Variants in MEF2D observed in about 807,000 individuals in gnomAD.
MEF2D encodes myocyte enhancer factor 2D.
In MEF2D, 10 loss-of-function variants were observed where a neutral mutation model predicts 59.3. The observed-to-expected ratio is 0.17, with a 90% CI of 0.10 to 0.29. MEF2D has a LOEUF of 0.29. MEF2D is among the 10% of genes least tolerant of loss of function. The pLI, the probability that MEF2D is intolerant of heterozygous loss-of-function variation, is 1.00. For synonymous variants in MEF2D, 305 were observed against 295.0 expected (o/e 1.03, Z -0.35); for missense variants, 508 against 699.4 (o/e 0.73, Z 3.09).
chr1:156,485,976 A>G (rs1298500468), intron 1 of MEF2D, among the ~76,000 whole-genome samples: 2 of 151,828 alleles, frequency 1.3e-5, no homozygotes, highest in South Asian at 4.2e-4. Context: ...CGGCCTCCCA[A>G]GTAGCTGGGA....
rs543205884 is a variant in MEF2D, at chr1:156,493,576, G to A, written c.-139+6910C>T. On this transcript the variant is annotated intron_variant, in intron 1 of 11. Coordinates refer to ENST00000348159, the MANE Select transcript of MEF2D (RefSeq NM_005920.4). Reference sequence around the variant, plus strand: ...GATGGAGGGGGGCCCAGAAGGAAGGGGGTGGGGAGAGCAGTACCTGCACAA... The same window carrying A: ...GATGGAGGGGGGCCCAGAAGGAAGGAGGTGGGGAGAGCAGTACCTGCACAA... Among the ~76,000 whole-genome samples, 43 of 151,936 alleles carry A rather than the reference G, an allele frequency of 2.8e-4. No individual in the cohort carries two copies. The South Asian group carries it at 8.5e-3, about 30-fold the overall frequency.
At chr1:156,491,712 C>G (rs1234707598) in intron 1 of MEF2D, among the ~76,000 whole-genome samples, 1 of 152,234 alleles carries the variant, frequency 6.6e-6, no homozygotes, top group Non-Finnish European at 1.5e-5. Flanking sequence ...GGGACCAGCT[C>G]TAGAACCCAA....
intron 1 of MEF2D, among the ~76,000 whole-genome samples, chr1:156,490,115 G>A (rs192861521): frequency 1.3e-5 from 2 of 152,140 alleles, no homozygotes; most frequent in African/African-American, 2.4e-5. Context: ...TTACCCCTCC[G>A]AAGTCTGAGC....
chr1:156,480,785 G>A (rs752087857), intron 4 of MEF2D, 49 bp downstream of exon 4: 6 of 1,596,428 alleles, frequency 3.8e-6, no homozygotes, highest in Non-Finnish European at 5.1e-6. Context: ...CGCCTGGGGG[G>A]AAGGGGCCGG....
chr1:156,486,103 C>G (rs901918166), intron 1 of MEF2D, among the ~76,000 whole-genome samples: 13 of 152,130 alleles, frequency 8.5e-5, no homozygotes, highest in African/African-American at 2.9e-4. Flanking sequence ...CCACCTCGAC[C>G]TCGTGCTCCA....
intron 1 of MEF2D, among the ~76,000 whole-genome samples, chr1:156,488,269 C>G (rs74116853): frequency 1.3e-5 from 2 of 152,134 alleles, no homozygotes; most frequent in African/African-American, 2.4e-5. Flanking sequence ...CATATCTGTT[C>G]CCATCCTAGT....
chr1:156,477,100 G>A lies in MEF2D; in HGVS notation c.767C>T (p.Thr256Ile). 6.2e-7 allele frequency: 1 copy of A among 1,614,042 alleles called. No homozygotes were observed. The highest frequency in any genetic ancestry group is 8.5e-7 in the Non-Finnish European group (1 of 1,179,928). ...GGGGGCTCCAAGCTGGGTGCTGTGG[G>A]TAGGTGGGGGTGGAGACTTGGCAGG... ...VIPAKSPPPP[T>I]HSTQLGAPSR... Residue 256 changes from threonine to isoleucine, a missense_variant, in exon 7 of 12, where the codon ACC becomes ATC. By Grantham distance (89) the Thr-to-Ile change is moderately conservative. This residue lies in a region of MEF2D where 481 missense variants were observed against 584.7 expected (regional missense o/e 0.82). Coordinates refer to ENST00000348159, the MANE Select transcript of MEF2D (RefSeq NM_005920.4).
intron 1 of MEF2D, among the ~76,000 whole-genome samples, chr1:156,490,215 CT>C (rs1457181131): frequency 3.3e-5 from 5 of 152,156 alleles, no homozygotes; most frequent in African/African-American, 1.2e-4. Context: ...CCCCACGCCC[CT>C]ACTCCTGGGC....
In MEF2D at chr1:156,479,331, C is replaced by T; in HGVS notation, c.623G>A (p.Gly208Asp). The T allele has an allele frequency of 6.2e-7, 1 of 1,611,536 alleles. No individual in the cohort carries two copies. Among genetic ancestry groups the T allele is most frequent in the Non-Finnish European group, 8.5e-7 (1 of 1,179,044 alleles). ...GGCTCCGTTAGCACTGTTCAGGTCA[C>T]CCCCCAGCATGGCCCCTGGAGGAAA... ...RPASAGAMLG[G>D]DLNSANGACP... The change falls in exon 6 of 12, where the codon GGT (glycine) becomes GAT (aspartate). Residue 208 changes from glycine to aspartate, a missense_variant. Gly to Asp is a moderately conservative substitution (Grantham distance 94). Around this residue, in one of 2 missense-constraint regions of MEF2D, gnomAD observed 481 missense variants for 584.7 expected, o/e 0.82. Coordinates refer to ENST00000348159, the MANE Select transcript of MEF2D (RefSeq NM_005920.4).
chr1:156,487,179 C>G (rs888718126), intron 1 of MEF2D, among the ~76,000 whole-genome samples: 15 of 152,228 alleles, frequency 9.9e-5, no homozygotes, highest in African/African-American at 3.1e-4. Context: ...ACCGCCCCCC[C>G]CACCCCCGCC....
chr1:156,477,536 C>G (rs1014054998), intron 6 of MEF2D, among the ~76,000 whole-genome samples: 13 of 152,148 alleles, frequency 8.5e-5, no homozygotes, highest in Non-Finnish European at 4.4e-5. Context: ...TCTTCTGTAC[C>G]CAAGCCTCTC....
chr1:156,473,699 C>T (rs953832481), intron 9 of MEF2D, among the ~76,000 whole-genome samples: 1 of 152,174 alleles, frequency 6.6e-6, no homozygotes, highest in African/African-American at 2.4e-5. Flanking sequence ...CCTAGGGACC[C>T]AGGACAGCCC....
At chr1:156,477,933 C>T (rs1442485523) in intron 6 of MEF2D, among the ~76,000 whole-genome samples, 2 of 152,236 alleles carry the variant, frequency 1.3e-5, no homozygotes, top group East Asian at 3.8e-4. Flanking sequence ...CCACACAGGC[C>T]TTTCACACAT....
At chr1:156,479,479 G>A (rs912396467) in intron 5 of MEF2D, 107 bp downstream of exon 5, 7 of 1,488,298 alleles carry the variant, frequency 4.7e-6, no homozygotes, top group East Asian at 2.5e-5. Context: ...TACAAATGGC[G>A]GAATGCTGTG....
intron 1 of MEF2D, among the ~76,000 whole-genome samples, chr1:156,493,448 T>C (rs1364159512): frequency 6.6e-6 from 1 of 152,056 alleles, no homozygotes; most frequent in Non-Finnish European, 1.5e-5. Context: ...AGGGCGGGCA[T>C]TGTGGCTGCG....
chr1:156,469,547 C>A (rs907608683), intron 9 of MEF2D, among the ~76,000 whole-genome samples: 1 of 151,178 alleles, frequency 6.6e-6, no homozygotes. Context: ...CATGAGCCAC[C>A]GCATCCGACC....
rs1327748805 is a variant in MEF2D, at chr1:156,479,810, T to A, written c.397-14A>T. On this transcript the variant is annotated splice_polypyrimidine_tract_variant and intron_variant, in intron 4 of 11. Transcript: ENST00000348159. ...CGGGACAGTTGACTAGACAGAAAGA[T>A]GGAGGGGCAGGATCAGGCCAGGTTG... is the stretch of plus-strand genomic sequence containing the variant. The A allele has an allele frequency of 2.6e-6, 4 of 1,551,056 alleles. No homozygotes were observed. Among genetic ancestry groups the A allele is most frequent in the Admixed American group, 2.0e-5 (1 of 50,938 alleles).
In MEF2D at chr1:156,476,429, C is replaced by G. The variant is rs910170761; in HGVS notation, c.876+65G>C. 2.5e-6 allele frequency: 4 copies of G among 1,571,528 alleles called. No homozygotes were observed. The African/African-American group carries it at 5.4e-5, about 21-fold the overall frequency. Reference sequence around the variant, plus strand: ...GCCAAGGACGCACACGTACTTCATGCTGGGGGACCGCAGAGCAATACCCAG... The same window carrying G: ...GCCAAGGACGCACACGTACTTCATGGTGGGGGACCGCAGAGCAATACCCAG... On this transcript the variant is annotated intron_variant, in intron 8 of 11. Transcript: ENST00000348159.
intron 11 of MEF2D, 159 bp downstream of exon 11, chr1:156,467,834 C>A (rs1670953307): frequency 1.9e-6 from 2 of 1,074,234 alleles, no homozygotes; most frequent in African/African-American, 3.2e-5. Flanking sequence ...GGGCCTTTGG[C>A]AGGGGTGAAG....
Sources: gnomAD v4.1 joint callset for allele counts (sites outside exome capture counted in the v4.1 genomes callset) on GRCh38, gnomAD v4.1.1 for gene constraint, gnomAD v4.1.1 regional missense constraint, MANE v1.5 for transcripts, NCBI Gene and HGNC (gene_info 2026-07-23, HGNC 2026-07-21) for gene names.